Variants in TMBIM1 observed in about 807,000 individuals in gnomAD.
The protein encoded by TMBIM1 is protein lifeguard 3.
Under a neutral mutation model 45.1 loss-of-function variants are expected in TMBIM1, and 34 were observed. The observed-to-expected ratio is 0.75, with a 90% CI of 0.57 to 1.00. The LOEUF (loss-of-function observed/expected upper bound fraction) is 1.00, where lower values mean the gene tolerates loss of function less well. TMBIM1 is among the 50% of genes least tolerant of loss of function. TMBIM1 has a pLI of 0.00. For missense variants in TMBIM1, 374 were observed against 402.4 expected, an observed-to-expected ratio of 0.93 and a Z score of 0.60; for synonymous variants, 157 against 153.5, an observed-to-expected ratio of 1.02 and a Z score of -0.17.
At position 218,274,444 on chromosome 2, in the gene TMBIM1, GACAA is replaced by G. The variant is rs3830501; in HGVS notation, c.*1027_*1030del. Reference sequence around the variant, plus strand: ...TCAGAAATCCCCCAGTGCAACTTAAGACAAACAGAGAGAAGTCACCTTCCTCTTA... The same window carrying G: ...TCAGAAATCCCCCAGTGCAACTTAAGACAGAGAGAAGTCACCTTCCTCTTA... On this transcript the variant is annotated 3_prime_UTR_variant, in exon 12 of 12. Coordinates refer to ENST00000258412, the MANE Select transcript of TMBIM1 (RefSeq NM_022152.6). 65 of 154,192 alleles carry G rather than the reference GACAA, an allele frequency of 4.2e-4. 2 individuals are homozygous for G. The South Asian group carries it at 7.2e-3, about 17-fold the overall frequency. The allele number at this position is 154,192 out of a possible 1,614,324, so 9.6% of individuals were successfully genotyped here. A position where few individuals can be genotyped will look rare whatever the true frequency, so the allele number is the denominator to read the frequency against.
At chr2:218,289,925 A>G (rs2106239452) in intron 1 of TMBIM1, 2 of 152,012 alleles carry the variant, frequency 1.3e-5, no homozygotes, top group African/African-American at 4.8e-5. Flanking sequence ...AGTATATAAC[A>G]CTCTAGGAAA....
chr2:218,275,242 C>T lies in TMBIM1; in HGVS notation c.*233G>A. 1 of 452,378 alleles carries T rather than the reference C, an allele frequency of 2.2e-6. No homozygotes were observed. The highest frequency in any genetic ancestry group is 3.9e-6 in the Non-Finnish European group (1 of 259,564). The allele number at this position is 452,378 out of a possible 1,614,324, so 28.0% of individuals were successfully genotyped here. On this transcript the variant is annotated 3_prime_UTR_variant, in exon 12 of 12. Transcript: ENST00000258412. The stretch of plus-strand genomic sequence containing the variant: ...GGCGGGGAGAAGACACATCTTCAGC[C>T]TAGTCCCTGCCAAGCCCACCAAGAG...
chr2:218,283,226 T>C (rs1180341946), intron 1 of TMBIM1, among the ~76,000 whole-genome samples: 1 of 152,198 alleles, frequency 6.6e-6, no homozygotes, highest in Non-Finnish European at 1.5e-5. Flanking sequence ...CTCAGGGCCA[T>C]AAGCCCCAAA....
chr2:218,281,130 T>TTTTTTTTTTTTTGC (rs71064426), intron 2 of TMBIM1: 1 of 117,346 alleles, frequency 8.5e-6, no homozygotes, highest in Non-Finnish European at 1.8e-5. Context: ...TTGTTTTTTG[T>TTTTTTTTTTTTTGC]TTTTTTTTTG....
At chr2:218,279,150 C>A (rs1425191072) in intron 4 of TMBIM1, 59 bp from the exon 5 acceptor site, 2 of 1,606,512 alleles carry the variant, frequency 1.2e-6, no homozygotes, top group African/African-American at 2.7e-5. Flanking sequence ...CCACCCAGGC[C>A]AGCCAGGCAG....
chr2:218,281,908 A>C (rs1692044729), intron 2 of TMBIM1, 32 bp downstream of exon 2: 2 of 1,544,186 alleles, frequency 1.3e-6, no homozygotes, highest in Non-Finnish European at 8.8e-7. Flanking sequence ...TGTCCCTCCC[A>C]CCCACCTTCC....
rs1207079895 is a variant in TMBIM1 at position 218,279,103 on chromosome 2, A to G, written c.369-12T>C. ...CGCTGACAGGTTCCCTGTGGGGCAC[A>G]GGAGGACAGGAGTAGTCACCCTGAG... On this transcript the variant is annotated splice_polypyrimidine_tract_variant and intron_variant, in intron 4 of 11. Transcript: ENST00000258412. The G allele has an allele frequency of 1.2e-5, 20 of 1,614,052 alleles. No homozygotes were observed. The highest frequency in any genetic ancestry group is 1.4e-5 in the Non-Finnish European group (17 of 1,179,952).
In TMBIM1 at chr2:218,284,962, C is replaced by T. The variant is rs527500167; in HGVS notation, c.-40-2781G>A. ...AAAATTAGCTGGGCATGGCAGCAGG[C>T]GCCTAGAATCCCAGTTACTCGGGAG... On this transcript the variant is annotated intron_variant, in intron 1 of 11. Transcript: ENST00000258412. 6.4e-4 allele frequency among the ~76,000 whole-genome samples: 98 copies of T among 152,242 alleles called. No individual in the cohort carries two copies. In the Middle Eastern group the frequency reaches 0.01, roughly 16 times the overall value.
At chr2:218,275,965 T>C in intron 11 of TMBIM1, 61 bp downstream of exon 11, 1 of 1,560,832 alleles carries the variant, frequency 6.4e-7, no homozygotes, top group Non-Finnish European at 8.7e-7. Flanking sequence ...TCATGCCCCC[T>C]TCCCTAGATT....
chr2:218,281,197 G>A (rs1414379650), intron 2 of TMBIM1, among the ~76,000 whole-genome samples: 7 of 136,826 alleles, frequency 5.1e-5, no homozygotes, highest in African/African-American at 1.1e-4. Flanking sequence ...GCAGTAGTGC[G>A]ATCCTGGCTC....
chr2:218,284,985 G>C (rs990260923), intron 1 of TMBIM1, among the ~76,000 whole-genome samples: 1 of 152,200 alleles, frequency 6.6e-6, no homozygotes, highest in African/African-American at 2.4e-5. Context: ...AGTTACTCGG[G>C]AGGCTGAGGC....
chr2:218,277,940 G>C lies in TMBIM1; in HGVS notation c.508C>G (p.Leu170Val). Reference protein sequence around the residue: ...RFPWNIILLTLFTFAMGFMTG... With the variant: ...RFPWNIILLTVFTFAMGFMTG... ...TGCCACCCTTCTAGACTTACAAAAAGGGTCAGCAGAATGATGTTCCATGGG... is the reference window on the plus strand; with the variant it reads ...TGCCACCCTTCTAGACTTACAAAAACGGTCAGCAGAATGATGTTCCATGGG... The change falls in exon 7 of 12, where the codon CTT (leucine) becomes GTT (valine). Residue 170 changes from leucine (L) to valine (V), a missense_variant. Physicochemically the swap from Leu to Val is conservative, Grantham distance 32. Transcript: ENST00000258412. The C allele has an allele frequency of 6.2e-7, 1 of 1,614,196 alleles. No individual in the cohort carries two copies. Among genetic ancestry groups the C allele is most frequent in the Non-Finnish European group, 8.5e-7 (1 of 1,180,030 alleles).
intron 7 of TMBIM1, 58 bp from the exon 8 acceptor site, chr2:218,277,728 TGG>T: frequency 6.2e-7 from 1 of 1,608,516 alleles, no homozygotes; most frequent in Non-Finnish European, 8.5e-7. Context: ...GGCAGGGTGC[TGG>T]GGGAGTGGCC....
chr2:218,275,450 T>A lies in TMBIM1; in HGVS notation c.*25A>T. On this transcript the variant is annotated 3_prime_UTR_variant, in exon 12 of 12. Transcript: ENST00000258412. ...CTAGCTTGGAAGGGAGAGCCCAGGA[T>A]CGGGTGAAAATGGGGGCTTGCTCCT... 1.2e-6 allele frequency: 2 copies of A among 1,604,036 alleles called. No homozygotes were observed. The highest frequency in any genetic ancestry group is 1.7e-6 in the Non-Finnish European group (2 of 1,174,458).
rs375219103 is a variant in TMBIM1 at position 218,280,017 on chromosome 2, G to C, written c.303+9C>G. ...CCCAGGTACACCCACCTCCCAGCGC[G>C]TATCTTACCTTTCGGATAAAAGTGT... is the stretch of plus-strand genomic sequence containing the variant. On this transcript the variant is annotated intron_variant, in intron 3 of 11. Transcript: ENST00000258412. 1.2e-6 allele frequency: 2 copies of C among 1,612,550 alleles called. No individual in the cohort carries two copies. Among genetic ancestry groups the C allele is most frequent in the Admixed American group, 1.7e-5 (1 of 60,010 alleles).
intron 1 of TMBIM1, chr2:218,285,978 T>G (rs1692473467): frequency 6.5e-6 from 1 of 154,876 alleles, no homozygotes; most frequent in Non-Finnish European, 1.5e-5. Context: ...GTGTTTACTT[T>G]CGTAGCTATG....
intron 1 of TMBIM1, among the ~76,000 whole-genome samples, chr2:218,284,435 A>G (rs1390476953): frequency 6.6e-6 from 1 of 152,200 alleles, no homozygotes; most frequent in Non-Finnish European, 1.5e-5. Flanking sequence ...TTTCCAGACC[A>G]AGGGACTGTG....
chr2:218,277,568 C>T (rs1194584124), intron 8 of TMBIM1, 65 bp downstream of exon 8: 1 of 1,611,344 alleles, frequency 6.2e-7, no homozygotes, highest in Non-Finnish European at 8.5e-7. Context: ...TGGCTGCCGG[C>T]CCAGGAACAC....
chr2:218,289,770 C>T (rs574695082), intron 1 of TMBIM1, among the ~76,000 whole-genome samples: 1 of 152,206 alleles, frequency 6.6e-6, no homozygotes, highest in East Asian at 1.9e-4. Flanking sequence ...TGATGTGCAA[C>T]TGTTTCCAAG....
Sources: gnomAD v4.1 joint callset for allele counts (sites outside exome capture counted in the v4.1 genomes callset) on GRCh38, gnomAD v4.1.1 for gene constraint, MANE v1.5 for transcripts, NCBI Gene and HGNC (gene_info 2026-07-23, HGNC 2026-07-21) for gene names.